Variants in TCF12 observed in about 807,000 individuals in gnomAD.
TCF12 encodes DNA-binding protein HTF4.
Under a neutral mutation model 86.0 loss-of-function variants are expected in TCF12, and 45 were observed. That is an observed-to-expected ratio of 0.52 (90% CI 0.41 to 0.67). The LOEUF is 0.67. TCF12 is among the 30% of genes least tolerant of loss of function. The pLI is 0.00. For synonymous variants in TCF12, 330 were observed against 299.6 expected (o/e 1.10, Z -1.05); for missense variants, 881 against 859.9 (o/e 1.02, Z -0.31).
At chr15:57,068,916 T>C (rs1487146402) in intron 4 of TCF12, among the ~76,000 whole-genome samples, 1 of 152,164 alleles carries the variant, frequency 6.6e-6, no homozygotes. Flanking sequence ...TTTATTGATA[T>C]AATAAGTGAG....
chr15:57,078,058 A>G (rs1009443278), intron 4 of TCF12, among the ~76,000 whole-genome samples: 2 of 152,204 alleles, frequency 1.3e-5, no homozygotes, highest in African/African-American at 4.8e-5. Flanking sequence ...TATGTACTCA[A>G]TAAAACTTAG....
chr15:57,170,819 T>A (rs2151581343), intron 6 of TCF12, among the ~76,000 whole-genome samples: 1 of 104,018 alleles, frequency 9.6e-6, no homozygotes, highest in Admixed American at 1.2e-4. Flanking sequence ...TTTTTTTTTT[T>A]TTTTTAGAGA....
chr15:57,218,459 G>T (rs2058426150), intron 8 of TCF12, among the ~76,000 whole-genome samples: 2 of 152,260 alleles, frequency 1.3e-5, no homozygotes, highest in Admixed American at 1.3e-4. Flanking sequence ...AAAACCTTTT[G>T]ACTTCGAAGT....
chr15:57,137,604 A>G (rs1289530272), intron 5 of TCF12, among the ~76,000 whole-genome samples: 1 of 152,244 alleles, frequency 6.6e-6, no homozygotes, highest in Non-Finnish European at 1.5e-5. Flanking sequence ...CATTGCTTCC[A>G]TAATACAGTG....
At chr15:57,280,757 A>G (rs938842345) in intron 19 of TCF12, among the ~76,000 whole-genome samples, 2 of 152,188 alleles carry the variant, frequency 1.3e-5, no homozygotes, top group East Asian at 3.8e-4. Flanking sequence ...AGCTGTACTA[A>G]TGGTATATCG....
At chr15:56,973,253 T>C (rs2062429911) in intron 3 of TCF12, among the ~76,000 whole-genome samples, 1 of 152,102 alleles carries the variant, frequency 6.6e-6, no homozygotes, top group South Asian at 2.1e-4. Context: ...AATGTGTATG[T>C]ATGAGTATGT....
At chr15:57,082,693 A>G (rs1213847897) in intron 4 of TCF12, among the ~76,000 whole-genome samples, 1 of 152,210 alleles carries the variant, frequency 6.6e-6, no homozygotes, top group Non-Finnish European at 1.5e-5. Flanking sequence ...TGATGCAGCA[A>G]GAGATATGAG....
intron 3 of TCF12, among the ~76,000 whole-genome samples, chr15:56,943,122 A>G (rs554553750): frequency 6.6e-6 from 1 of 152,162 alleles, no homozygotes. Flanking sequence ...CTTTTCGTCT[A>G]TATGTAAATG....
chr15:57,139,587 T>C (rs2052805935), intron 5 of TCF12, among the ~76,000 whole-genome samples: 1 of 151,912 alleles, frequency 6.6e-6, no homozygotes, highest in Non-Finnish European at 1.5e-5. Flanking sequence ...ACCAGGGAGA[T>C]CTTCCAGGTT....
At chr15:56,940,487 C>CCTCCTCCTCCTTCTTCTTCTT (rs1555452230) in intron 3 of TCF12, among the ~76,000 whole-genome samples, 8 of 101,374 alleles carry the variant, frequency 7.9e-5, no homozygotes, top group Non-Finnish European at 1.1e-4. Context: ...TTCTCCTCCT[C>CCTCCTCCTCCTTCTTCTTCTT]CTCCTCCTCC....
Position 57,028,111 on chromosome 15 carries a change from G to A in TCF12, c.149-35639G>A, listed in dbSNP as rs553375248. ...CCTGAGTAGCTGGGAACACAGGCAC[G>A]CATCACCACACCCAGCTAGTTTTTG... is the stretch of plus-strand genomic sequence containing the variant. On this transcript the variant is annotated intron_variant, in intron 3 of 20. Transcript: ENST00000333725. Among the ~76,000 whole-genome samples, 12 of 152,108 alleles carry A rather than the reference G, an allele frequency of 7.9e-5. No individual in the cohort carries two copies. The South Asian group carries it at 1.9e-3, about 24-fold the overall frequency.
chr15:57,182,206 A>G (rs1292280553), intron 6 of TCF12, among the ~76,000 whole-genome samples: 1 of 152,174 alleles, frequency 6.6e-6, no homozygotes, highest in Non-Finnish European at 1.5e-5. Flanking sequence ...AAAAATCAAT[A>G]ATATGAGCTG....
In TCF12 at chr15:57,108,555, C is replaced by T. The variant is rs537600600; in HGVS notation, c.325+16664C>T. ...CACTAGCCGAAAGAAACTGGCTCTACAGGTAGAGTTTGAGAATGTGGGTGA... is the reference window on the plus strand; with the variant it reads ...CACTAGCCGAAAGAAACTGGCTCTATAGGTAGAGTTTGAGAATGTGGGTGA... On this transcript the variant is annotated intron_variant, in intron 5 of 20. Transcript: ENST00000333725. Among the ~76,000 whole-genome samples the T allele has an allele frequency of 7.9e-5, 12 of 152,078 alleles. No individual in the cohort carries two copies. The South Asian group carries it at 2.5e-3, about 32-fold the overall frequency.
At chr15:56,965,175 A>G (rs567035618) in intron 3 of TCF12, among the ~76,000 whole-genome samples, 13 of 152,276 alleles carry the variant, frequency 8.5e-5, no homozygotes, top group South Asian at 2.1e-4. Context: ...TATCATTTCT[A>G]TGTTATATTC....
chr15:57,185,081 T>G (rs1411292453), intron 6 of TCF12, among the ~76,000 whole-genome samples: 11 of 152,222 alleles, frequency 7.2e-5, no homozygotes, highest in African/African-American at 1.2e-4. Flanking sequence ...AAATTAATAT[T>G]ATGTAGCCTT....
chr15:57,166,092 T>G (rs2054871427), intron 5 of TCF12, among the ~76,000 whole-genome samples: 1 of 152,076 alleles, frequency 6.6e-6, no homozygotes, highest in South Asian at 2.1e-4. Context: ...CATGCTAATT[T>G]TTTATTTTTT....
intron 5 of TCF12, among the ~76,000 whole-genome samples, chr15:57,138,385 T>G (rs555165104): frequency 7.2e-5 from 11 of 152,320 alleles, no homozygotes; most frequent in African/African-American, 2.6e-4. Flanking sequence ...TCTTAAAGCC[T>G]TCTTCTCTTA....
At chr15:56,967,316 A>C (rs987549498) in intron 3 of TCF12, among the ~76,000 whole-genome samples, 2 of 151,814 alleles carry the variant, frequency 1.3e-5, no homozygotes, top group Admixed American at 6.6e-5. Context: ...AAAAAAAAAA[A>C]CGCTGAAGTT....
At chr15:57,197,231 A>T (rs980752191) in intron 7 of TCF12, among the ~76,000 whole-genome samples, 2 of 133,838 alleles carry the variant, frequency 1.5e-5, no homozygotes, top group African/African-American at 5.6e-5. Context: ...ATCTTGGCTC[A>T]CTGCAACCTC....
Sources: allele counts gnomAD v4.1 joint callset (sites outside exome capture counted in the v4.1 genomes callset), GRCh38; gene constraint gnomAD v4.1.1; transcripts MANE v1.5; gene names NCBI Gene and HGNC (gene_info 2026-07-23, HGNC 2026-07-21).